Variants in GLT8D2 observed in about 807,000 individuals in gnomAD.
GLT8D2 encodes glycosyltransferase 8 domain containing 2.
Under a neutral mutation model 44.5 loss-of-function variants are expected in GLT8D2, and 45 were observed. That is an observed-to-expected ratio of 1.01 (90% CI 0.80 to 1.30). GLT8D2 has a LOEUF of 1.30. Ranked by LOEUF, GLT8D2 falls within the 50% of genes most tolerant of loss-of-function variation. The probability of loss-of-function intolerance (pLI) is 0.00; values close to 1 mark genes in which losing one functional copy is unlikely to be tolerated. For missense variants in GLT8D2, 400 were observed against 430.4 expected (o/e 0.93, Z 0.62); for synonymous variants, 156 against 157.2 (o/e 0.99, Z 0.06).
chr12:104,002,756 C>T (rs1874388513), intron 5 of GLT8D2, among the ~76,000 whole-genome samples: 1 of 151,974 alleles, frequency 6.6e-6, no homozygotes. Flanking sequence ...CAAACCTAAG[C>T]AACAAAGAGA....
chr12:104,051,532 T>C (rs962203604), upstream of GLT8D2, among the ~76,000 whole-genome samples: 2 of 152,228 alleles, frequency 1.3e-5, no homozygotes, highest in African/African-American at 2.4e-5. Flanking sequence ...ATATACAATG[T>C]ATAGTGATCA....
rs1410967099 is a variant in GLT8D2 at position 103,993,408 on chromosome 12, C to T, written c.864G>A (p.Trp288Ter). Reference protein sequence around the residue: ...HGKYSTINPLWHIRHLGWNPD... With the variant: ...HGKYSTINPL ...AATACTTACCCAGGTGCCTTATGTG[C>T]CACAGGGGGTTAATTGTGGAATATT... Residue 288 changes from tryptophan (W) to a stop codon, truncating the protein, a stop_gained, in exon 10 of 11, where the codon TGG (tryptophan) becomes TGA (stop). Transcript: ENST00000360814. LOFTEE classifies it high-confidence loss of function. 7 of 1,613,300 alleles carry T rather than the reference C, an allele frequency of 4.3e-6. No individual in the cohort carries two copies. The highest frequency in any genetic ancestry group is 1.7e-5 in the Admixed American group (1 of 60,012).
At chr12:103,994,574 A>C in intron 8 of GLT8D2, 73 bp from the exon 9 acceptor site, 2 of 1,393,278 alleles carry the variant, frequency 1.4e-6, no homozygotes, top group Non-Finnish European at 2.0e-6. Flanking sequence ...ATTTTCTTGA[A>C]ACCCTTGTGC....
intron 1 of GLT8D2, among the ~76,000 whole-genome samples, chr12:104,043,341 A>T (rs1880760394): frequency 6.6e-6 from 1 of 152,028 alleles, no homozygotes; most frequent in South Asian, 2.1e-4. Context: ...TGGATTCCAG[A>T]CTCCAGATGC....
intron 9 of GLT8D2, 136 bp from the exon 10 acceptor site, chr12:103,993,640 A>C: frequency 5.0e-6 from 3 of 600,826 alleles, no homozygotes; most frequent in South Asian, 2.3e-5. Flanking sequence ...TTCTCCCCCA[A>C]ATTTTCATTT....
chr12:104,017,097 C>G (rs1876977120), intron 3 of GLT8D2, among the ~76,000 whole-genome samples: 1 of 152,042 alleles, frequency 6.6e-6, no homozygotes, highest in African/African-American at 2.4e-5. Context: ...AGTTCATGTT[C>G]ATAGCATTAA....
At chr12:104,045,773 T>C (rs1220232729) in intron 1 of GLT8D2, among the ~76,000 whole-genome samples, 2 of 151,930 alleles carry the variant, frequency 1.3e-5, no homozygotes, top group African/African-American at 4.8e-5. Context: ...TCAGTGCCCC[T>C]GTGTTTCATT....
chr12:104,062,220 T>C (rs1882715416), intron 1 of GLT8D2, among the ~76,000 whole-genome samples: 1 of 151,548 alleles, frequency 6.6e-6, no homozygotes, highest in African/African-American at 2.4e-5. Flanking sequence ...ATTACAGGCA[T>C]GCACCACCAC....
At chr12:104,054,489 A>C (rs1436672127), upstream of GLT8D2, among the ~76,000 whole-genome samples, 3 of 151,808 alleles carry the variant, frequency 2.0e-5, no homozygotes, top group African/African-American at 7.2e-5. Flanking sequence ...GCAGATATCC[A>C]AAGGAAATAA....
upstream of GLT8D2, among the ~76,000 whole-genome samples, chr12:104,051,719 A>C (rs868687078): frequency 6.7e-6 from 1 of 150,112 alleles, no homozygotes; most frequent in African/African-American, 2.4e-5. Flanking sequence ...ATCTCTCCCT[A>C]TCTCTCCCTT....
intron 1 of GLT8D2, among the ~76,000 whole-genome samples, chr12:104,044,789 C>G (rs1283032157): frequency 6.6e-6 from 1 of 152,178 alleles, no homozygotes; most frequent in Non-Finnish European, 1.5e-5. Context: ...GCTTGAGTAG[C>G]CTTAATTTTT....
intron 3 of GLT8D2, among the ~76,000 whole-genome samples, chr12:104,016,514 G>C (rs1490523262): frequency 1.3e-5 from 2 of 151,392 alleles, no homozygotes; most frequent in Non-Finnish European, 2.9e-5. Flanking sequence ...CATGCCTGTA[G>C]TCCCAGCTAT....
intron 1 of GLT8D2, among the ~76,000 whole-genome samples, chr12:104,033,271 ATG>A (rs1879534751): frequency 6.6e-6 from 1 of 152,168 alleles, no homozygotes; most frequent in South Asian, 2.1e-4. Context: ...ATATATGAGT[ATG>A]TGTGTGTATG....
At chr12:104,034,913 G>C (rs983530663) in intron 1 of GLT8D2, among the ~76,000 whole-genome samples, 1 of 152,210 alleles carries the variant, frequency 6.6e-6, no homozygotes, top group African/African-American at 2.4e-5. Flanking sequence ...ACATCATACA[G>C]GTGGGTGCCC....
At chr12:104,008,300 T>A (rs978674800) in intron 4 of GLT8D2, among the ~76,000 whole-genome samples, 4 of 152,142 alleles carry the variant, frequency 2.6e-5, no homozygotes, top group African/African-American at 9.7e-5. Flanking sequence ...CAGATGTAGA[T>A]GAGGAACTTG....
At chr12:104,022,772 G>GCA (rs543386856) in intron 1 of GLT8D2, among the ~76,000 whole-genome samples, 20 of 142,110 alleles carry the variant, frequency 1.4e-4, no homozygotes, top group Admixed American at 2.8e-4. Context: ...ACACACACAT[G>GCA]CACACACACA....
rs1882318523 is a variant in GLT8D2 at position 104,057,931 on chromosome 12, G to GTAGTTT, written c.-423+6017_-423+6018insAAACTA. 2.0e-5 allele frequency among the ~76,000 whole-genome samples: 3 copies of GTAGTTT among 152,176 alleles called. No individual in the cohort carries two copies. In the South Asian group the frequency reaches 6.2e-4, roughly 32 times the overall value. On this transcript the variant is annotated intron_variant, in intron 1 of 10. Coordinates refer to the GLT8D2 transcript ENST00000548660. ...TAATCAGTGCCCCTCATCCTTAATG[G>GTAGTTT]GGGATATCCCAGTAGTTTGGGAAGG...
In GLT8D2 at chr12:103,996,822, G is replaced by T. The variant is rs768673698; in HGVS notation, c.513C>A (p.Thr171=). The stretch of plus-strand genomic sequence containing the variant: ...CCGCCGCGTGGCCCAGGGCCAAGGT[G>T]GTGTCATACAGTTCTTGGATATCAC... The part of the protein sequence containing the change: ...VQGDIQELYD[T]TLALGHAAAF... Residue 171 remains threonine, a synonymous_variant, in exon 8 of 11, where the codon ACC becomes ACA. Coordinates refer to ENST00000360814, the MANE Select transcript of GLT8D2 (RefSeq NM_001384711.1). 6.2e-7 allele frequency: 1 copy of T among 1,613,746 alleles called. No homozygotes were observed. The highest frequency in any genetic ancestry group is 1.7e-5 in the Admixed American group (1 of 59,964).
intron 1 of GLT8D2, among the ~76,000 whole-genome samples, chr12:104,035,493 A>G (rs999990739): frequency 6.6e-6 from 1 of 152,256 alleles, no homozygotes; most frequent in African/African-American, 2.4e-5. Context: ...TGGAGCTGAA[A>G]ACCATGGCAC....
Sources: gnomAD v4.1 joint callset for allele counts (sites outside exome capture counted in the v4.1 genomes callset) on GRCh38, gnomAD v4.1.1 for gene constraint, MANE v1.5 for transcripts, NCBI Gene and HGNC (gene_info 2026-07-23, HGNC 2026-07-21) for gene names.